Variants in THADA observed in about 807,000 individuals in gnomAD.
THADA encodes tRNA (32-2'-O)-methyltransferase regulator THADA.
In THADA, 213 loss-of-function variants were observed where a neutral mutation model predicts 219.8. The observed-to-expected ratio is 0.97, with a 90% CI of 0.87 to 1.09. The LOEUF is 1.09. Ranked by LOEUF, THADA falls within the 50% of genes least tolerant of loss-of-function variation. THADA has a pLI of 0.00. For missense variants in THADA, 2,956 were observed against 2,311.3 expected (o/e 1.28, Z -5.72); for synonymous variants, 1,018 against 828.9 (o/e 1.23, Z -3.92).
chr2:43,467,910 C>T lies in THADA; in HGVS notation c.3836+17324G>A, dbSNP rs538124512. 2.6e-5 allele frequency among the ~76,000 whole-genome samples: 4 copies of T among 152,320 alleles called. No homozygotes were observed. In the South Asian group the frequency reaches 8.3e-4, roughly 32 times the overall value. The stretch of plus-strand genomic sequence containing the variant: ...GCTCAGTAGATAAATCTCAATAAGC[C>T]TCCACATCAAACAGACTGGAAGAAA... On this transcript the variant is annotated intron_variant, in intron 26 of 37. Transcript: ENST00000405975.
intron 31 of THADA, among the ~76,000 whole-genome samples, chr2:43,295,432 T>C (rs1251881082): frequency 2.0e-5 from 3 of 152,242 alleles, no homozygotes; most frequent in African/African-American, 7.2e-5. Flanking sequence ...TCCTCTTAAT[T>C]GTATCATTCT....
chr2:43,559,493 A>G (rs989842955), intron 16 of THADA, among the ~76,000 whole-genome samples: 1 of 152,152 alleles, frequency 6.6e-6, no homozygotes, highest in African/African-American at 2.4e-5. Flanking sequence ...CTCGGCCTTT[A>G]TAGAGCTCTA....
At chr2:43,391,960 G>A (rs1673434131) in intron 29 of THADA, 1 of 152,096 alleles carries the variant, frequency 6.6e-6, no homozygotes, top group Admixed American at 6.6e-5. Context: ...TTTAAATTAT[G>A]ACTCATTCCA....
chr2:43,369,836 T>G (rs1369375590), intron 29 of THADA, among the ~76,000 whole-genome samples: 2 of 152,222 alleles, frequency 1.3e-5, no homozygotes, highest in Non-Finnish European at 2.9e-5. Flanking sequence ...AGTCATGAAA[T>G]TTCTACATCC....
intron 31 of THADA, among the ~76,000 whole-genome samples, chr2:43,304,289 C>T (rs1676594312): frequency 6.6e-6 from 1 of 152,124 alleles, no homozygotes. Context: ...GGAGGCAAAG[C>T]CCCGGTAATC....
intron 29 of THADA, among the ~76,000 whole-genome samples, chr2:43,368,863 T>C (rs1222154219): frequency 1.3e-5 from 2 of 152,152 alleles, no homozygotes; most frequent in Non-Finnish European, 2.9e-5. Flanking sequence ...TTAGAAAACC[T>C]ACTGGCTCAA....
chr2:43,592,100 T>C (rs1445421531), intron 2 of THADA, 54 bp from the exon 3 acceptor site: 1 of 1,403,220 alleles, frequency 7.1e-7, no homozygotes, highest in Non-Finnish European at 9.6e-7. Flanking sequence ...GAGTTAACTT[T>C]GCCTTTGTTG....
At chr2:43,568,120 C>T (rs910152011) in intron 14 of THADA, among the ~76,000 whole-genome samples, 1 of 152,150 alleles carries the variant, frequency 6.6e-6, no homozygotes, top group African/African-American at 2.4e-5. Context: ...GAACCTTACA[C>T]AGGTTATTGA....
chr2:43,403,554 T>C lies in THADA; in HGVS notation c.4059-5415A>G, dbSNP rs529964365. On this transcript the variant is annotated intron_variant, in intron 28 of 37. Transcript: ENST00000405975. ...AACCAGAGGCTTCAAAGTCTCCAAA[T>C]GGCTTCAGGATCCAGCCAATATCCC... Among the ~76,000 whole-genome samples, 3 of 152,260 alleles carry C rather than the reference T, an allele frequency of 2.0e-5. No homozygotes were observed. The South Asian group carries it at 6.2e-4, about 32-fold the overall frequency.
chr2:43,546,900 T>A (rs1342140629), intron 20 of THADA, among the ~76,000 whole-genome samples: 1 of 152,180 alleles, frequency 6.6e-6, no homozygotes, highest in African/African-American at 2.4e-5. Flanking sequence ...ATGTGTGAAT[T>A]TGATCCTGTC....
At chr2:43,400,457 T>TTTTATATATATATATATATATA (rs1553427508) in intron 28 of THADA, among the ~76,000 whole-genome samples, 2 of 89,904 alleles carry the variant, frequency 2.2e-5, no homozygotes, top group African/African-American at 3.9e-5. Context: ...ATAGACAAAT[T>TTTTATATATATATATATATATA]TATATATATA....
At chr2:43,292,045 TA>T in intron 33 of THADA, 58 bp downstream of exon 33, 1 of 1,172,516 alleles carries the variant, frequency 8.5e-7, no homozygotes, top group South Asian at 1.5e-5. Context: ...GTTCATTACA[TA>T]ATGACTGATG....
At chr2:43,488,959 T>G (rs1418450795) in intron 25 of THADA, among the ~76,000 whole-genome samples, 2 of 152,240 alleles carry the variant, frequency 1.3e-5, no homozygotes, top group African/African-American at 4.8e-5. Context: ...GCCATCTGCC[T>G]ATCTTTTTTG....
At chr2:43,372,133 T>G (rs931876046) in intron 29 of THADA, 5 of 152,226 alleles carry the variant, frequency 3.3e-5, no homozygotes, top group African/African-American at 1.2e-4. Flanking sequence ...CTAAACAATT[T>G]TTAAACATCA....
chr2:43,356,244 G>C (rs1382627860), intron 29 of THADA, among the ~76,000 whole-genome samples: 1 of 152,012 alleles, frequency 6.6e-6, no homozygotes. Context: ...TGATATAGTT[G>C]GATTCCTATC....
In THADA at chr2:43,405,190, T is replaced by C. The variant is rs561735651; in HGVS notation, c.4059-7051A>G. 4.6e-5 allele frequency among the ~76,000 whole-genome samples: 7 copies of C among 152,320 alleles called. No individual in the cohort carries two copies. In the East Asian group the frequency reaches 1.4e-3, roughly 29 times the overall value. ...TCTCCAGGTCCAGGGCCCAAGTCTA[T>C]TTTCTGTCGACTCTACCGCTATTAT... On this transcript the variant is annotated intron_variant, in intron 28 of 37. Coordinates refer to ENST00000405975, the MANE Select transcript of THADA (RefSeq NM_022065.5).
chr2:43,280,493 G>A (rs1237504314), intron 35 of THADA, among the ~76,000 whole-genome samples: 2 of 152,090 alleles, frequency 1.3e-5, no homozygotes, highest in African/African-American at 2.4e-5. Flanking sequence ...TTAGCTGGGC[G>A]TGGTGACGGG....
intron 36 of THADA, among the ~76,000 whole-genome samples, chr2:43,257,904 G>A (rs1264691805): frequency 6.6e-6 from 1 of 152,208 alleles, no homozygotes; most frequent in Non-Finnish European, 1.5e-5. Context: ...TCCAGAGGCA[G>A]GCAGCTCAGA....
intron 36 of THADA, among the ~76,000 whole-genome samples, chr2:43,270,692 C>T (rs1282607378): frequency 6.6e-6 from 1 of 152,090 alleles, no homozygotes; most frequent in East Asian, 1.9e-4. Context: ...TGCATATTCA[C>T]ATTTAAAATG....
Sources: allele counts gnomAD v4.1 joint callset (sites outside exome capture counted in the v4.1 genomes callset), GRCh38; gene constraint gnomAD v4.1.1; transcripts MANE v1.5; gene names NCBI Gene and HGNC (gene_info 2026-07-23, HGNC 2026-07-21).